Variants in STXBP5L observed in about 807,000 individuals in gnomAD.
The protein encoded by STXBP5L is syntaxin binding protein 5L, also known as syntaxin-binding protein 5-like.
STXBP5L carries 65 observed loss-of-function variants against 144.5 expected under a neutral mutation model. The ratio of observed to expected loss-of-function variants is 0.45; its 90% confidence interval spans 0.37 to 0.55. STXBP5L has a LOEUF of 0.55. Among genes scored for constraint, STXBP5L ranks in the 20% least tolerant of loss-of-function variants. STXBP5L has a pLI of 0.00. For missense variants in STXBP5L, 1,298 were observed against 1,405.5 expected (o/e 0.92, Z 1.22); for synonymous variants, 505 against 469.6 (o/e 1.08, Z -0.97).
chr3:121,289,544 C>T (rs996208624), intron 19 of STXBP5L, among the ~76,000 whole-genome samples: 1 of 152,170 alleles, frequency 6.6e-6, no homozygotes, highest in Non-Finnish European at 1.5e-5. Flanking sequence ...TACCCTAGAA[C>T]AAATGGACTT....
chr3:121,395,128 T>C (rs778998516), intron 22 of STXBP5L, among the ~76,000 whole-genome samples: 20 of 152,166 alleles, frequency 1.3e-4, no homozygotes, highest in Non-Finnish European at 2.6e-4. Context: ...AGAGCAGAAA[T>C]AGTAAGTAAC....
intron 6 of STXBP5L, among the ~76,000 whole-genome samples, chr3:121,118,417 A>T (rs954470856): frequency 1.3e-5 from 2 of 151,654 alleles, no homozygotes; most frequent in African/African-American, 4.8e-5. Flanking sequence ...AATATAAGAT[A>T]ATTTTCTGCT....
intron 22 of STXBP5L, among the ~76,000 whole-genome samples, chr3:121,383,766 GACTA>G (rs2046368153): frequency 6.6e-6 from 1 of 152,068 alleles, no homozygotes; most frequent in African/African-American, 2.4e-5. Context: ...CCTACTTATT[GACTA>G]ACTGTCCCGG....
intron 3 of STXBP5L, among the ~76,000 whole-genome samples, chr3:121,025,351 C>G (rs556611849): frequency 6.6e-6 from 1 of 152,136 alleles, no homozygotes; most frequent in East Asian, 1.9e-4. Flanking sequence ...AATACTATTG[C>G]TTATAACTCA....
intron 2 of STXBP5L, among the ~76,000 whole-genome samples, chr3:120,922,101 A>G (rs9818910): frequency 0.099 from 15,110 of 151,934 alleles, 1,183 homozygotes; most frequent in Admixed American, 0.2. Context: ...TGAGTGTGAA[A>G]TTCTTTCCAC....
intron 3 of STXBP5L, among the ~76,000 whole-genome samples, chr3:121,030,845 C>A (rs957322141): frequency 6.6e-6 from 1 of 151,890 alleles, no homozygotes; most frequent in African/African-American, 2.4e-5. Flanking sequence ...CTTTTTAAAC[C>A]TGATCAATTA....
intron 19 of STXBP5L, among the ~76,000 whole-genome samples, chr3:121,315,224 T>G (rs1311078687): frequency 6.6e-6 from 1 of 152,024 alleles, no homozygotes; most frequent in African/African-American, 2.4e-5. Flanking sequence ...AGCAAAGACT[T>G]GGAACCAACC....
chr3:121,194,727 A>G (rs2047851513), intron 9 of STXBP5L, among the ~76,000 whole-genome samples: 1 of 152,236 alleles, frequency 6.6e-6, no homozygotes, highest in South Asian at 2.1e-4. Context: ...GATTTTTCCA[A>G]TTACAAATTC....
At chr3:121,148,997 GA>G (rs2045831550) in intron 7 of STXBP5L, among the ~76,000 whole-genome samples, 1 of 152,002 alleles carries the variant, frequency 6.6e-6, no homozygotes, top group Non-Finnish European at 1.5e-5. Flanking sequence ...TGTCTAATTC[GA>G]AACAGGTAAC....
chr3:120,969,970 T>G (rs1410946097), intron 3 of STXBP5L, among the ~76,000 whole-genome samples: 1 of 152,068 alleles, frequency 6.6e-6, no homozygotes, highest in Non-Finnish European at 1.5e-5. Flanking sequence ...GTTTTTGCAT[T>G]GTGGTTACTA....
At chr3:120,913,318 C>T (rs1708943777) in intron 2 of STXBP5L, among the ~76,000 whole-genome samples, 1 of 151,950 alleles carries the variant, frequency 6.6e-6, no homozygotes, top group South Asian at 2.1e-4. Context: ...CCAGCACCTC[C>T]CCATTCTTAG....
chr3:121,279,679 C>T, intron 18 of STXBP5L, 126 bp from the exon 19 acceptor site: 1 of 1,113,538 alleles, frequency 9.0e-7, no homozygotes, highest in African/African-American at 1.6e-5. Flanking sequence ...CTTGACTTTA[C>T]ACAAATCACT....
At chr3:121,134,968 G>A (rs2045177736) in intron 7 of STXBP5L, among the ~76,000 whole-genome samples, 1 of 151,656 alleles carries the variant, frequency 6.6e-6, no homozygotes, top group African/African-American at 2.4e-5. Context: ...CTAGATCCTT[G>A]AGGAATCGCC....
Position 120,976,978 on chromosome 3 carries a change from T to G in STXBP5L, c.287+21941T>G, listed in dbSNP as rs563387446. ...CTTTACTTCCAACTATGTGGTCAAT[T>G]TTGGAATAGGTGTGGTGTGGTGCTG... On this transcript the variant is annotated intron_variant, in intron 3 of 26. Transcript: ENST00000471454. 5.9e-3 allele frequency among the ~76,000 whole-genome samples: 903 copies of G among 152,144 alleles called. 5 individuals carry two copies. Among genetic ancestry groups the G allele is most frequent in the Middle Eastern group, 0.014 (4 of 294 alleles).
chr3:121,013,232 TA>T (rs1944909641), intron 3 of STXBP5L, among the ~76,000 whole-genome samples: 1 of 151,874 alleles, frequency 6.6e-6, no homozygotes, highest in Non-Finnish European at 1.5e-5. Flanking sequence ...ATTGCTAGGT[TA>T]AATGGTAATT....
chr3:121,012,302 GT>G (rs1233521210), intron 3 of STXBP5L, among the ~76,000 whole-genome samples: 2 of 151,736 alleles, frequency 1.3e-5, no homozygotes, highest in Non-Finnish European at 2.9e-5. Flanking sequence ...GTGTGCATAT[GT>G]TTTCATTTGT....
chr3:121,076,232 C>T (rs970557228), intron 5 of STXBP5L, among the ~76,000 whole-genome samples: 1 of 152,144 alleles, frequency 6.6e-6, no homozygotes, highest in African/African-American at 2.4e-5. Context: ...CTTGGCTTTT[C>T]AGGCAAGGGC....
intron 3 of STXBP5L, among the ~76,000 whole-genome samples, chr3:120,980,364 T>C (rs1576558839): frequency 6.6e-6 from 1 of 152,300 alleles, no homozygotes; most frequent in Non-Finnish European, 1.5e-5. Context: ...CTCTTAGTTC[T>C]GGTAGTGTTT....
At chr3:121,379,456 CTT>C (rs989889044) in intron 21 of STXBP5L, among the ~76,000 whole-genome samples, 2 of 151,952 alleles carry the variant, frequency 1.3e-5, no homozygotes, top group African/African-American at 2.4e-5. Flanking sequence ...AATTTTGTAA[CTT>C]TGCTGCAACT....
Sources: gnomAD v4.1 joint callset for allele counts (sites outside exome capture counted in the v4.1 genomes callset) on GRCh38, gnomAD v4.1.1 for gene constraint, MANE v1.5 for transcripts, NCBI Gene and HGNC (gene_info 2026-07-23, HGNC 2026-07-21) for gene names.